FHIT: variants seen among roughly 807,000 people sequenced by gnomAD.
FHIT encodes the protein fragile histidine triad diadenosine triphosphatase.
A neutral mutation model predicts 17.9 loss-of-function variants in FHIT; 19 were observed. The observed-to-expected ratio is 1.06, with a 90% CI of 0.74 to 1.56. FHIT has a LOEUF of 1.56. Among genes scored for constraint, FHIT ranks in the 40% most tolerant of loss-of-function variants. The pLI, the probability that FHIT is intolerant of heterozygous loss-of-function variation, is 0.00. For missense variants in FHIT, 248 were observed against 189.2 expected (o/e 1.31, Z -1.82); for synonymous variants, 81 against 69.7 (o/e 1.16, Z -0.81).
chr3:60,714,305 T>C (rs2041621398), intron 4 of FHIT, among the ~76,000 whole-genome samples: 2 of 152,054 alleles, frequency 1.3e-5, no homozygotes, highest in South Asian at 2.1e-4. Context: ...GAGCTATCTA[T>C]GACAAACCCA....
At chr3:60,037,854 C>T (rs1701283653) in intron 5 of FHIT, among the ~76,000 whole-genome samples, 1 of 152,008 alleles carries the variant, frequency 6.6e-6, no homozygotes, top group South Asian at 2.1e-4. Flanking sequence ...GCTGGGACTA[C>T]AGGTGCATAC....
intron 4 of FHIT, among the ~76,000 whole-genome samples, chr3:60,616,459 A>C (rs2038953566): frequency 6.6e-6 from 1 of 152,200 alleles, no homozygotes; most frequent in Non-Finnish European, 1.5e-5. Flanking sequence ...CAAGTAATAC[A>C]CTTCTAGAAC....
chr3:60,887,332 G>A lies in FHIT; in HGVS notation c.-110-65321C>T, dbSNP rs1252092458. On this transcript the variant is annotated intron_variant, in intron 3 of 9. Coordinates refer to ENST00000492590, the MANE Select transcript of FHIT (RefSeq NM_002012.4). ...TTTTCTCATTAGTTGGTTAAAATAC[G>A]CTTTTAAAGTGTATAAGATAAAAAT... Among the ~76,000 whole-genome samples, 5 of 152,078 alleles carry A rather than the reference G, an allele frequency of 3.3e-5. No homozygotes were observed. The East Asian group carries it at 7.7e-4, about 24-fold the overall frequency.
intron 4 of FHIT, among the ~76,000 whole-genome samples, chr3:60,705,552 C>A (rs554069212): frequency 6.6e-6 from 1 of 152,162 alleles, no homozygotes; most frequent in Non-Finnish European, 1.5e-5. Flanking sequence ...TGAAATTCAA[C>A]GTTGGTCTCT....
intron 2 of FHIT, among the ~76,000 whole-genome samples, chr3:61,133,406 G>A (rs1224451437): frequency 6.6e-6 from 1 of 152,168 alleles, no homozygotes; most frequent in Non-Finnish European, 1.5e-5. Context: ...CTTCTATACT[G>A]CAATGCCAGG....
At position 61,149,662 on chromosome 3, in the gene FHIT, G is replaced by C. The variant is rs561132356; in HGVS notation, c.-164+50955C>G. Among the ~76,000 whole-genome samples the C allele has an allele frequency of 1.6e-4, 24 of 152,184 alleles. No individual in the cohort carries two copies. The South Asian group carries it at 5.0e-3, about 32-fold the overall frequency. ...GGAGGCACAGATGGGAGGATGGCTT[G>C]AGCCCAGGAGTTTGAGACCAGCCTC... On this transcript the variant is annotated intron_variant, in intron 2 of 9. Coordinates refer to ENST00000492590, the MANE Select transcript of FHIT (RefSeq NM_002012.4).
intron 8 of FHIT, among the ~76,000 whole-genome samples, chr3:59,834,812 C>A (rs549843470): frequency 6.6e-6 from 1 of 152,132 alleles, no homozygotes; most frequent in Non-Finnish European, 1.5e-5. Context: ...GACAGATATA[C>A]ACACATAAAA....
chr3:60,192,678 C>G (rs1372899432), intron 5 of FHIT, among the ~76,000 whole-genome samples: 1 of 152,128 alleles, frequency 6.6e-6, no homozygotes, highest in Non-Finnish European at 1.5e-5. Context: ...TGCTTACCTG[C>G]CCAGGATCTG....
chr3:61,183,908 T>C (rs1402455506), intron 2 of FHIT, among the ~76,000 whole-genome samples: 4 of 152,026 alleles, frequency 2.6e-5, no homozygotes, highest in African/African-American at 9.7e-5. Flanking sequence ...TCATAAATGC[T>C]CCTTCTCAAA....
chr3:60,098,886 G>C (rs1344522073), intron 5 of FHIT, among the ~76,000 whole-genome samples: 1 of 152,122 alleles, frequency 6.6e-6, no homozygotes, highest in Non-Finnish European at 1.5e-5. Context: ...GACTGCCTGG[G>C]AGTCAGCACC....
intron 4 of FHIT, among the ~76,000 whole-genome samples, chr3:60,605,586 G>T (rs2038583238): frequency 6.6e-6 from 1 of 152,088 alleles, no homozygotes; most frequent in Admixed American, 6.5e-5. Flanking sequence ...TCATTCATTT[G>T]TTTATCTCCT....
chr3:59,752,153 T>G (rs1680263571), intron 9 of FHIT, 68 bp downstream of exon 9: 2 of 1,123,796 alleles, frequency 1.8e-6, no homozygotes, highest in South Asian at 2.7e-5. Context: ...GCATCCCCAT[T>G]CTGAGAGTGC....
intron 5 of FHIT, among the ~76,000 whole-genome samples, chr3:60,033,070 A>G (rs1298091705): frequency 6.6e-6 from 1 of 152,204 alleles, no homozygotes; most frequent in Non-Finnish European, 1.5e-5. Flanking sequence ...AAACAGCACT[A>G]AAACAAATAA....
chr3:60,934,111 A>G (rs1708082597), intron 3 of FHIT, among the ~76,000 whole-genome samples: 1 of 152,166 alleles, frequency 6.6e-6, no homozygotes, highest in African/African-American at 2.4e-5. Context: ...AAACCTATTG[A>G]GAGGAATCTT....
At chr3:59,776,905 C>T (rs62239723) in intron 8 of FHIT, among the ~76,000 whole-genome samples, 4,328 of 152,292 alleles carry the variant, frequency 0.028, 95 homozygotes, top group Non-Finnish European at 0.046. Flanking sequence ...GGTTTCTTGA[C>T]TTCAGAACTC....
At chr3:60,486,103 A>G (rs1406886986) in intron 5 of FHIT, among the ~76,000 whole-genome samples, 2 of 152,150 alleles carry the variant, frequency 1.3e-5, no homozygotes, top group East Asian at 3.9e-4. Flanking sequence ...TCTACTAACT[A>G]ATCTATGCTG....
chr3:60,735,689 T>C (rs1396383688), intron 4 of FHIT, among the ~76,000 whole-genome samples: 1 of 152,230 alleles, frequency 6.6e-6, no homozygotes, highest in Non-Finnish European at 1.5e-5. Context: ...TTTGAGAAGC[T>C]GCATCCAATC....
chr3:60,756,446 G>T (rs184295047), intron 4 of FHIT, among the ~76,000 whole-genome samples: 61 of 152,318 alleles, frequency 4.0e-4, no homozygotes, highest in Non-Finnish European at 4.4e-5. Flanking sequence ...TTCGTCATGG[G>T]CATGATCAAG....
At chr3:59,833,223 C>T (rs138176881) in intron 8 of FHIT, among the ~76,000 whole-genome samples, 125 of 152,282 alleles carry the variant, frequency 8.2e-4, no homozygotes, top group African/African-American at 2.7e-3. Flanking sequence ...GTCCTAATCA[C>T]TACTACCTCA....
Sources: gnomAD v4.1 joint callset for allele counts (sites outside exome capture counted in the v4.1 genomes callset) on GRCh38, gnomAD v4.1.1 for gene constraint, MANE v1.5 for transcripts, NCBI Gene and HGNC (gene_info 2026-07-23, HGNC 2026-07-21) for gene names.